Variants in GK observed in about 807,000 individuals in gnomAD.
The protein encoded by GK is glycerol kinase, also known as ATP:glycerol 3-phosphotransferase.
In GK, 9 loss-of-function variants were observed where a neutral mutation model predicts 56.4. The ratio of observed to expected loss-of-function variants is 0.16; its 90% CI spans 0.10 to 0.28. GK has a LOEUF of 0.28. Ranked by LOEUF, GK falls within the 10% of genes least tolerant of loss-of-function variation. The pLI, the probability that GK is intolerant of heterozygous loss-of-function variation, is 1.00. For synonymous variants in GK, 104 were observed against 144.1 expected, an observed-to-expected ratio of 0.72 and a Z score of 1.99; for missense variants, 161 against 431.4, an observed-to-expected ratio of 0.37 and a Z score of 5.55.
chrX:30,702,999 T>A (rs766226211), intron 11 of GK, among the ~76,000 whole-genome samples: 10 of 111,896 alleles, frequency 8.9e-5, no homozygotes, highest in Non-Finnish European at 1.7e-4. Context: ...ATTCTTGGAA[T>A]CTGGGTTCCA....
intron 4 of GK, among the ~76,000 whole-genome samples, chrX:30,683,844 T>C (rs985281112): frequency 8.9e-6 from 1 of 112,283 alleles, no homozygotes; most frequent in East Asian, 2.8e-4. Context: ...AATGACCTCA[T>C]TGGTGGATCA....
chrX:30,704,128 T>TTATATATATATA lies in GK; in HGVS notation c.851+3233_851+3244dup, dbSNP rs752736589. Among the ~76,000 whole-genome samples the TTATATATATATA allele has an allele frequency of 2.6e-3, 195 of 74,863 alleles. 2 individuals are homozygous for TTATATATATATA. Among genetic ancestry groups the TTATATATATATA allele is most frequent in the Non-Finnish European group, 3.3e-3 (145 of 43,896 alleles). 65.0% of individuals were successfully genotyped at this position (74,863 alleles called of 115,157 possible). On this transcript the variant is annotated intron_variant, in intron 11 of 20. Transcript: ENST00000427190. The stretch of plus-strand genomic sequence containing the variant: ...CAGAAAAACAATGCAGTTATTCATT[T>TTATATATATATA]TATATATATATATATATATATGAGA...
chrX:30,719,550 C>T (rs755292557), intron 15 of GK, 35 bp downstream of exon 15: 2 of 804,850 alleles, frequency 2.5e-6, no homozygotes, highest in East Asian at 6.3e-5. Context: ...TTTTGGGGAT[C>T]TTGATTTATT....
intron 2 of GK, among the ~76,000 whole-genome samples, chrX:30,667,467 A>G (rs1382199217): frequency 8.9e-6 from 1 of 111,940 alleles, no homozygotes; most frequent in East Asian, 2.8e-4. Context: ...CCAATCACTT[A>G]TCTACATGAA....
At chrX:30,722,063 TGTCTCTAAAAAAACAAAAGGAAAAAAAAA>T (rs1936934737) in intron 18 of GK, 1 of 111,366 alleles carries the variant, frequency 9.0e-6, no homozygotes, top group South Asian at 3.8e-4. Flanking sequence ...ATGAGACCCC[TGTCTCTAAAAAAACAAAAGGAAAAAAAAA>T]GCATCAAAGT....
intron 4 of GK, among the ~76,000 whole-genome samples, chrX:30,688,527 G>A (rs1783753595): frequency 9.4e-6 from 1 of 105,992 alleles, no homozygotes; most frequent in South Asian, 4.2e-4. Context: ...AAAAAAGGGA[G>A]AGAGAGAGAA....
At chrX:30,665,660 G>A in intron 2 of GK, 76 bp downstream of exon 2, 1 of 642,493 alleles carries the variant, frequency 1.6e-6, no homozygotes, top group East Asian at 3.3e-5. Context: ...CTGTGGATTT[G>A]TAAAGTAAAC....
Position 30,696,161 on chromosome X carries a change from G to C in GK, c.662+10G>C, listed in dbSNP as rs780145214. ...ATAAACAACTCTGCGAGTAAGTTCTGTTTTGCTCTAAATATAGTTTTCCCA... is the reference window on the plus strand; with the variant it reads ...ATAAACAACTCTGCGAGTAAGTTCTCTTTTGCTCTAAATATAGTTTTCCCA... On this transcript the variant is annotated intron_variant, in intron 7 of 20. Transcript: ENST00000427190. 11 of 940,172 alleles carry C rather than the reference G, an allele frequency of 1.2e-5. No individual in the cohort carries two copies. Among genetic ancestry groups the C allele is most frequent in the Non-Finnish European group, 1.5e-5 (10 of 648,965 alleles). The allele number at this position is 940,172 out of a possible 1,213,427, so 77.5% of individuals were successfully genotyped here. A position where few individuals can be genotyped will look rare whatever the true frequency, so the allele number is the denominator to read the frequency against.
At chrX:30,653,687 G>A in intron 1 of GK, 72 bp downstream of exon 1, 1 of 941,610 alleles carries the variant, frequency 1.1e-6, no homozygotes, top group Non-Finnish European at 1.5e-6. Flanking sequence ...GGTGGCTGTT[G>A]TGTCCCCATC....
intron 4 of GK, among the ~76,000 whole-genome samples, chrX:30,690,630 C>T (rs771513216): frequency 3.6e-5 from 4 of 111,371 alleles, no homozygotes; most frequent in African/African-American, 6.5e-5. Flanking sequence ...ACATAACAGA[C>T]GGAATCTTTT....
chrX:30,665,313 T>C (rs1438334050), intron 1 of GK, among the ~76,000 whole-genome samples, 198 bp from the exon 2 acceptor site: 4 of 112,219 alleles, frequency 3.6e-5, no homozygotes, highest in Non-Finnish European at 5.6e-5. Flanking sequence ...GGTTTCTTTT[T>C]ACCTAAAGAG....
At chrX:30,690,172 G>A (rs1288943290) in intron 4 of GK, among the ~76,000 whole-genome samples, 1 of 112,130 alleles carries the variant, frequency 8.9e-6, no homozygotes, top group African/African-American at 3.2e-5. Flanking sequence ...TCAAATATGT[G>A]GTAGTGGGCA....
intron 9 of GK, among the ~76,000 whole-genome samples, chrX:30,699,194 TTATATATATGTTATA>T (rs1935428411): frequency 1.0e-5 from 1 of 98,361 alleles, no homozygotes; most frequent in East Asian, 3.3e-4. Flanking sequence ...TATATATGTT[TTATATATATGTTATA>T]TATATACATG....
At chrX:30,693,117 T>C (rs991237407) in intron 5 of GK, among the ~76,000 whole-genome samples, 2 of 102,577 alleles carry the variant, frequency 1.9e-5, no homozygotes, top group Non-Finnish European at 4.0e-5. Context: ...CCCGGGTTCA[T>C]GCCATTCTCC....
intron 18 of GK, among the ~76,000 whole-genome samples, chrX:30,722,432 G>A (rs370990313): frequency 8.9e-6 from 1 of 112,082 alleles, no homozygotes; most frequent in East Asian, 2.8e-4. Flanking sequence ...CACTCTTAAA[G>A]CAAGGAAGTT....
intron 20 of GK, among the ~76,000 whole-genome samples, 178 bp from the exon 21 acceptor site, chrX:30,728,554 G>A (rs1444114129): frequency 1.8e-5 from 2 of 112,104 alleles, no homozygotes; most frequent in Non-Finnish European, 3.8e-5. Context: ...ATTAGCAACA[G>A]TGGCAATATT....
intron 13 of GK, among the ~76,000 whole-genome samples, chrX:30,710,053 C>T (rs1004013907): frequency 8.9e-6 from 1 of 111,889 alleles, no homozygotes; most frequent in Non-Finnish European, 1.9e-5. Context: ...CTTTTAGATG[C>T]TTAGAATTGT....
intron 4 of GK, chrX:30,678,020 G>A (rs1422473927): frequency 7.3e-6 from 4 of 547,957 alleles, no homozygotes; most frequent in Non-Finnish European, 1.3e-5. Context: ...GTGAATGTTT[G>A]CCAAATTGTT....
chrX:30,680,782 C>T (rs1934237503), intron 4 of GK, among the ~76,000 whole-genome samples: 1 of 111,352 alleles, frequency 9.0e-6, no homozygotes, highest in Non-Finnish European at 1.9e-5. Flanking sequence ...GATAAGGAGG[C>T]AAAAGGTGAA....
Sources: gnomAD v4.1 joint callset for allele counts (sites outside exome capture counted in the v4.1 genomes callset) on GRCh38, gnomAD v4.1.1 for gene constraint, MANE v1.5 for transcripts, NCBI Gene and HGNC (gene_info 2026-07-23, HGNC 2026-07-21) for gene names.